The following NEBL variants were observed in gnomAD, a reference collection of about 807,000 sequenced individuals.
The protein encoded by NEBL is LIM and SH3 protein 2.
NEBL carries 122 observed loss-of-function variants against 140.2 expected under a neutral mutation model. The observed-to-expected ratio is 0.87, with a 90% CI of 0.75 to 1.01. NEBL has a LOEUF of 1.01. NEBL is among the 50% of genes least tolerant of loss of function. The probability of loss-of-function intolerance (pLI) is 0.00; values close to 1 mark genes in which losing one functional copy is unlikely to be tolerated. For synonymous variants in NEBL, 436 were observed against 398.9 expected (o/e 1.09, Z -1.11); for missense variants, 1,365 against 1,231.3 (o/e 1.11, Z -1.62).
At chr10:21,268,072 ATTGCC>A (rs1196138988) in intron 1 of NEBL, among the ~76,000 whole-genome samples, 1 of 152,086 alleles carries the variant, frequency 6.6e-6, no homozygotes, top group Admixed American at 6.6e-5. Context: ...GACTCCTAGG[ATTGCC>A]TTGGTCTTAG....
Position 20,809,830 on chromosome 10 carries a change from A to G in NEBL, c.2587T>C (p.Ser863Pro). 2.5e-6 allele frequency: 4 copies of G among 1,613,076 alleles called. No individual in the cohort carries two copies. Among genetic ancestry groups the G allele is most frequent in the Non-Finnish European group, 3.4e-6 (4 of 1,179,202 alleles). ...CCAGAGAGCATATGGAGACTTCTAG[A>G]CTGAATATTGTCTTCCAGGGGATCA... is the stretch of plus-strand genomic sequence containing the variant. The part of the protein sequence containing the change: ...DLDPLEDNIQ[S>P]RSLHMLSEKA... The change falls in exon 25 of 28, where the codon TCT (serine) becomes CCT (proline). Residue 863 changes from serine to proline, a missense_variant. Around this residue, in one of 2 missense-constraint regions of NEBL, gnomAD observed 1,323 missense variants for 1,154.8 expected, o/e 1.15. Coordinates refer to ENST00000377122, the MANE Select transcript of NEBL (RefSeq NM_006393.3).
intron 26 of NEBL, among the ~76,000 whole-genome samples, chr10:20,799,798 G>A (rs1351536313): frequency 2.0e-5 from 3 of 152,140 alleles, no homozygotes; most frequent in Non-Finnish European, 4.4e-5. Context: ...TAAATCAGGA[G>A]TGTATTTTCT....
intron 4 of NEBL, among the ~76,000 whole-genome samples, chr10:20,952,665 G>C (rs528362982): frequency 6.6e-6 from 1 of 151,986 alleles, no homozygotes; most frequent in Admixed American, 6.5e-5. Flanking sequence ...AACACTTTGG[G>C]AAGACGAGGT....
intron 8 of NEBL, 41 bp downstream of exon 8, chr10:20,859,672 C>G: frequency 7.6e-7 from 1 of 1,321,620 alleles, no homozygotes; most frequent in South Asian, 1.2e-5. Context: ...AAACAAGAAT[C>G]AAAAGATTTT....
rs200273688 is a variant in NEBL, at chr10:20,859,234, CA to C, written c.798+478del. On this transcript the variant is annotated intron_variant, in intron 8 of 27. Coordinates refer to ENST00000377122, the MANE Select transcript of NEBL (RefSeq NM_006393.3). ...GATTTTTAAAAACACAGAATGAAAACAAATCACATAAGGAAGTACTTCACAG... is the reference window on the plus strand; with the variant it reads ...GATTTTTAAAAACACAGAATGAAAACAATCACATAAGGAAGTACTTCACAG... Among the ~76,000 whole-genome samples, 758 of 152,038 alleles carry C rather than the reference CA, an allele frequency of 5.0e-3. 5 individuals are homozygous for C. The highest frequency in any genetic ancestry group is 0.017 in the Middle Eastern group (5 of 292).
At chr10:21,123,510 T>C (rs1429050951) in intron 2 of NEBL, among the ~76,000 whole-genome samples, 1 of 152,124 alleles carries the variant, frequency 6.6e-6, no homozygotes, top group African/African-American at 2.4e-5. Context: ...AGCCCTGAGC[T>C]CAAGTCGTCC....
chr10:20,808,732 A>C, intron 25 of NEBL, 73 bp from the exon 26 acceptor site: 2 of 1,466,830 alleles, frequency 1.4e-6, no homozygotes, highest in South Asian at 2.3e-5. Context: ...AAATTACTTA[A>C]AAGCTTAACA....
At chr10:21,219,381 G>T (rs1380100672) in intron 3 of NEBL, among the ~76,000 whole-genome samples, 4 of 152,166 alleles carry the variant, frequency 2.6e-5, no homozygotes, top group African/African-American at 9.7e-5. Flanking sequence ...ACATTCAAGA[G>T]TATTGAAGCA....
intron 2 of NEBL, among the ~76,000 whole-genome samples, chr10:21,074,792 A>T (rs529389678): frequency 7.9e-4 from 104 of 130,972 alleles, no homozygotes; most frequent in Non-Finnish European, 1.2e-3. Context: ...AGATATATAT[A>T]TTTTTGTTGT....
intron 12 of NEBL, 52 bp downstream of exon 12, chr10:20,845,205 GT>G: frequency 8.5e-7 from 1 of 1,174,190 alleles, no homozygotes; most frequent in Non-Finnish European, 1.3e-6. Context: ...CATTTCCTGG[GT>G]TTTTTCTTTA....
chr10:21,250,328 C>A (rs1402064132), intron 2 of NEBL, among the ~76,000 whole-genome samples: 1 of 152,170 alleles, frequency 6.6e-6, no homozygotes, highest in Non-Finnish European at 1.5e-5. Flanking sequence ...AGCCTCCCAG[C>A]CTACATCTTT....
chr10:21,225,704 T>C (rs1589336743), intron 3 of NEBL, among the ~76,000 whole-genome samples: 1 of 152,154 alleles, frequency 6.6e-6, no homozygotes, highest in Non-Finnish European at 1.5e-5. Context: ...CCACTGCCGA[T>C]GTTCACTCAA....
At chr10:21,250,484 T>C (rs2132272071) in intron 2 of NEBL, among the ~76,000 whole-genome samples, 1 of 152,324 alleles carries the variant, frequency 6.6e-6, no homozygotes, top group Non-Finnish European at 1.5e-5. Flanking sequence ...TACTACTTAA[T>C]AAACCACCCT....
chr10:20,848,662 A>G (rs994412187), intron 11 of NEBL, among the ~76,000 whole-genome samples: 3 of 152,172 alleles, frequency 2.0e-5, no homozygotes, highest in African/African-American at 7.2e-5. Context: ...ACTCCTTATG[A>G]GAATCTAACT....
At chr10:21,189,726 C>G (rs1207696280) in intron 3 of NEBL, among the ~76,000 whole-genome samples, 3 of 152,178 alleles carry the variant, frequency 2.0e-5, no homozygotes, top group Admixed American at 2.0e-4. Context: ...CTCGGCCCCC[C>G]AAAGTGCTGG....
chr10:21,275,963 CCTTT>C (rs1842918433), intron 1 of NEBL, among the ~76,000 whole-genome samples: 1 of 146,968 alleles, frequency 6.8e-6, no homozygotes, highest in Non-Finnish European at 1.5e-5. Flanking sequence ...CACAGCCAGC[CCTTT>C]CTTTTTTTTT....
chr10:21,188,648 T>C (rs2132214432), intron 3 of NEBL, among the ~76,000 whole-genome samples: 1 of 150,130 alleles, frequency 6.7e-6, no homozygotes, highest in Middle Eastern at 3.4e-3. Flanking sequence ...TCGCCCAGGC[T>C]GGAGTGCAAT....
At chr10:20,906,756 C>G (rs1468138582) in intron 4 of NEBL, among the ~76,000 whole-genome samples, 1 of 152,072 alleles carries the variant, frequency 6.6e-6, no homozygotes, top group Non-Finnish European at 1.5e-5. Context: ...ACAAATTTTA[C>G]TTGTTAATAA....
At chr10:20,942,356 T>A (rs1333733391) in intron 4 of NEBL, among the ~76,000 whole-genome samples, 6 of 152,196 alleles carry the variant, frequency 3.9e-5, no homozygotes, top group African/African-American at 4.8e-5. Context: ...CCCTATTTAA[T>A]AAATGGTGCT....
Sources: gnomAD v4.1 joint callset for allele counts (sites outside exome capture counted in the v4.1 genomes callset) on GRCh38, gnomAD v4.1.1 for gene constraint, gnomAD v4.1.1 regional missense constraint, MANE v1.5 for transcripts, NCBI Gene and HGNC (gene_info 2026-07-23, HGNC 2026-07-21) for gene names.